PCDH15: variants seen among roughly 807,000 people sequenced by gnomAD.
The protein encoded by PCDH15 is protocadherin-15.
PCDH15 carries 129 observed loss-of-function variants against 178.5 expected under a neutral mutation model. The ratio of observed to expected loss-of-function variants is 0.72; its 90% CI spans 0.63 to 0.84. The LOEUF (loss-of-function observed/expected upper bound fraction) is 0.84. Ranked by LOEUF, PCDH15 falls within the 40% of genes least tolerant of loss-of-function variation. PCDH15 has a pLI of 0.00. For synonymous variants in PCDH15, 800 were observed against 732.0 expected, an observed-to-expected ratio of 1.09 and a Z score of -1.50; for missense variants, 2,230 against 2,099.9, an observed-to-expected ratio of 1.06 and a Z score of -1.21.
chr10:55,543,335 A>T (rs1170823392), intron 2 of PCDH15, among the ~76,000 whole-genome samples: 4 of 149,808 alleles, frequency 2.7e-5, no homozygotes, highest in African/African-American at 9.8e-5. Context: ...CACTTTTTCT[A>T]CCTTAGAATT....
intron 20 of PCDH15, among the ~76,000 whole-genome samples, chr10:54,011,614 G>C (rs1440618738): frequency 6.6e-6 from 1 of 152,194 alleles, no homozygotes; most frequent in Non-Finnish European, 1.5e-5. Context: ...GACTGACGAA[G>C]AGTCTACCTA....
intron 8 of PCDH15, among the ~76,000 whole-genome samples, chr10:54,304,933 G>C (rs1406054741): frequency 6.6e-6 from 1 of 151,832 alleles, no homozygotes; most frequent in Non-Finnish European, 1.5e-5. Flanking sequence ...ATCACTATTA[G>C]GGCTGCCTAC....
chr10:54,641,999 T>A (rs556874594), intron 2 of PCDH15, among the ~76,000 whole-genome samples: 1 of 152,272 alleles, frequency 6.6e-6, no homozygotes, highest in East Asian at 1.9e-4. Context: ...TTGGCCTTTA[T>A]TCATATTGCT....
chr10:54,535,643 G>T (rs2084419723), intron 2 of PCDH15, among the ~76,000 whole-genome samples: 1 of 144,272 alleles, frequency 6.9e-6, no homozygotes, highest in African/African-American at 2.5e-5. Context: ...CCAGGAGGTG[G>T]AGCTTGCAGT....
intron 8 of PCDH15, among the ~76,000 whole-genome samples, chr10:54,276,189 C>T (rs1430933503): frequency 6.6e-6 from 1 of 151,252 alleles, no homozygotes; most frequent in Non-Finnish European, 1.5e-5. Flanking sequence ...CAAAATAGCA[C>T]CAAAAACAAG....
chr10:54,888,111 C>T (rs1276055694), intron 3 of PCDH15, among the ~76,000 whole-genome samples: 3 of 152,058 alleles, frequency 2.0e-5, no homozygotes, highest in Admixed American at 6.6e-5. Flanking sequence ...AAACATGAAA[C>T]AACCATTACA....
intron 2 of PCDH15, among the ~76,000 whole-genome samples, chr10:54,556,103 C>A (rs1035557946): frequency 6.6e-6 from 1 of 152,160 alleles, no homozygotes; most frequent in African/African-American, 2.4e-5. Flanking sequence ...TCAGACCTTG[C>A]AACTATAAAT....
chr10:55,189,885 A>G (rs184057742), intron 1 of PCDH15, among the ~76,000 whole-genome samples: 6 of 151,928 alleles, frequency 3.9e-5, no homozygotes, highest in African/African-American at 1.2e-4. Flanking sequence ...GCATTTCCCT[A>G]TCCCATGACC....
chr10:54,070,559 A>C (rs1477564628), intron 17 of PCDH15, among the ~76,000 whole-genome samples: 1 of 151,862 alleles, frequency 6.6e-6, no homozygotes, highest in Non-Finnish European at 1.5e-5. Flanking sequence ...GCTCTGAAAG[A>C]AGGATATTAA....
chr10:54,765,250 C>T (rs993727190), intron 1 of PCDH15, among the ~76,000 whole-genome samples: 4 of 152,126 alleles, frequency 2.6e-5, no homozygotes, highest in African/African-American at 9.7e-5. Context: ...TAACTTTACT[C>T]TGTTGAGCTA....
chr10:55,216,773 A>G (rs114995045), intron 1 of PCDH15, among the ~76,000 whole-genome samples: 27 of 151,942 alleles, frequency 1.8e-4, no homozygotes, highest in African/African-American at 6.0e-4. Flanking sequence ...TGTTTTTCCT[A>G]TGTGACTAAG....
chr10:55,054,540 C>A (rs1159267147), intron 2 of PCDH15, among the ~76,000 whole-genome samples: 1 of 152,100 alleles, frequency 6.6e-6, no homozygotes, highest in Non-Finnish European at 1.5e-5. Context: ...TGGATATATA[C>A]CCAGAAATGG....
intron 21 of PCDH15, among the ~76,000 whole-genome samples, chr10:53,991,661 T>G (rs755466119): frequency 6.6e-6 from 1 of 151,344 alleles, no homozygotes; most frequent in Admixed American, 6.6e-5. Context: ...CAGTCGGCAC[T>G]CTGTGTCTAG....
At chr10:55,455,361 C>T (rs1470124162) in intron 2 of PCDH15, among the ~76,000 whole-genome samples, 1 of 151,980 alleles carries the variant, frequency 6.6e-6, no homozygotes, top group Non-Finnish European at 1.5e-5. Context: ...TGTGTTCACA[C>T]TATATTTATC....
intron 2 of PCDH15, among the ~76,000 whole-genome samples, chr10:55,054,375 G>T (rs1376770390): frequency 6.6e-6 from 1 of 152,138 alleles, no homozygotes; most frequent in Non-Finnish European, 1.5e-5. Flanking sequence ...TTTTATGGCT[G>T]CATAGTACTC....
At chr10:55,388,131 T>C (rs1438420528) in intron 2 of PCDH15, among the ~76,000 whole-genome samples, 1 of 152,114 alleles carries the variant, frequency 6.6e-6, no homozygotes, top group African/African-American at 2.4e-5. Flanking sequence ...TCTCTTCCTA[T>C]GTTCTGTAGC....
chr10:54,769,895 C>T (rs1228548677), intron 1 of PCDH15, among the ~76,000 whole-genome samples: 1 of 152,072 alleles, frequency 6.6e-6, no homozygotes, highest in African/African-American at 2.4e-5. Context: ...CTGTAGTTCT[C>T]AATTTTTGGT....
At chr10:54,989,442 G>A (rs1343000781) in intron 2 of PCDH15, among the ~76,000 whole-genome samples, 3 of 152,170 alleles carry the variant, frequency 2.0e-5, no homozygotes, top group Non-Finnish European at 2.9e-5. Context: ...AAGGCAGGAG[G>A]CTACATCCTG....
intron 2 of PCDH15, among the ~76,000 whole-genome samples, chr10:55,500,277 G>T (rs1447432611): frequency 1.3e-5 from 2 of 151,700 alleles, no homozygotes; most frequent in African/African-American, 4.8e-5. Flanking sequence ...CCAAAGTATT[G>T]AAATTCAAAA....
Sources: allele counts gnomAD v4.1 joint callset (sites outside exome capture counted in the v4.1 genomes callset), GRCh38; gene constraint gnomAD v4.1.1; transcripts MANE v1.5; gene names NCBI Gene and HGNC (gene_info 2026-07-23, HGNC 2026-07-21).